The following KCNQ5 variants were observed in gnomAD, a reference collection of about 807,000 sequenced individuals.
KCNQ5 encodes potassium voltage-gated channel subfamily KQT member 5.
A neutral mutation model predicts 98.2 loss-of-function variants in KCNQ5; 30 were observed. That is an observed-to-expected ratio of 0.31 (90% confidence interval 0.23 to 0.41). The LOEUF is 0.41. Among genes scored for constraint, KCNQ5 ranks in the 10% least tolerant of loss-of-function variants. KCNQ5 has a pLI of 1.00. For missense variants in KCNQ5, 835 were observed against 1,182.5 expected, an observed-to-expected ratio of 0.71 and a Z score of 4.31; for synonymous variants, 458 against 449.4, an observed-to-expected ratio of 1.02 and a Z score of -0.24.
intron 1 of KCNQ5, among the ~76,000 whole-genome samples, chr6:72,746,500 G>T (rs2154476401): frequency 6.6e-6 from 1 of 152,250 alleles, no homozygotes; most frequent in Admixed American, 6.5e-5. Flanking sequence ...TTGCTGACAG[G>T]TACTAATGGG....
At position 73,089,617 on chromosome 6, in the gene KCNQ5, A is replaced by G. The variant is rs373718454; in HGVS notation, c.918+11730A>G. 1.3e-4 allele frequency among the ~76,000 whole-genome samples: 20 copies of G among 152,122 alleles called. No homozygotes were observed. In the East Asian group the frequency reaches 3.3e-3, roughly 25 times the overall value. On this transcript the variant is annotated intron_variant, in intron 5 of 13. Coordinates refer to ENST00000370398, the MANE Select transcript of KCNQ5 (RefSeq NM_019842.4). ...CATTGTGACATTCTTATGCCTTTGC[A>G]TCCTCATAGTTTAGCTCCCACCTAT...
chr6:72,696,362 G>A (rs1200608598), intron 1 of KCNQ5, among the ~76,000 whole-genome samples: 5 of 152,024 alleles, frequency 3.3e-5, no homozygotes, highest in South Asian at 2.1e-4. Flanking sequence ...GATAAAATAC[G>A]GGTGTGAAAA....
chr6:72,997,459 C>G (rs1769357954), intron 1 of KCNQ5, among the ~76,000 whole-genome samples: 2 of 151,992 alleles, frequency 1.3e-5, no homozygotes, highest in South Asian at 2.1e-4. Context: ...TCTTTAAAAA[C>G]TGCTCGCTGA....
chr6:73,159,029 A>C (rs1777504122), intron 10 of KCNQ5, among the ~76,000 whole-genome samples: 1 of 152,226 alleles, frequency 6.6e-6, no homozygotes, highest in Admixed American at 6.5e-5. Flanking sequence ...AACTTATTTT[A>C]CAAAGGAAAC....
At chr6:72,860,682 T>C (rs1259318392) in intron 1 of KCNQ5, among the ~76,000 whole-genome samples, 3 of 152,182 alleles carry the variant, frequency 2.0e-5, no homozygotes, top group African/African-American at 4.8e-5. Flanking sequence ...ATAGTATCTA[T>C]TTTCCTTGTA....
At chr6:73,186,871 C>T (rs958935659) in intron 11 of KCNQ5, among the ~76,000 whole-genome samples, 2 of 151,718 alleles carry the variant, frequency 1.3e-5, no homozygotes, top group African/African-American at 2.4e-5. Context: ...ATACATGTGC[C>T]GTGTTGGTGT....
chr6:73,194,870 C>T lies in KCNQ5; in HGVS notation c.2255C>T (p.Pro752Leu), dbSNP rs1377781561. 6.2e-7 allele frequency: 1 copy of T among 1,614,040 alleles called. No homozygotes were observed. The highest frequency in any genetic ancestry group is 2.2e-5 in the East Asian group (1 of 44,900). ...GCCCCAACAACTTTACAGATCCCACCTCCTCTCCCAGCCATCAAGCATCTG... is the reference window on the plus strand; with the variant it reads ...GCCCCAACAACTTTACAGATCCCACTTCCTCTCCCAGCCATCAAGCATCTG... ...PAAPTTLQIP[P>L]PLPAIKHLPR... Residue 752 changes from proline to leucine, a missense_variant, in exon 14 of 14, where the codon CCT (proline) becomes CTT (leucine). By Grantham distance (98) the Pro-to-Leu change is moderately conservative. This residue lies in a region of KCNQ5 where 416 missense variants were observed against 446.9 expected (regional missense o/e 0.93). Coordinates refer to ENST00000370398, the MANE Select transcript of KCNQ5 (RefSeq NM_019842.4).
chr6:72,750,043 G>A (rs1771598869), intron 1 of KCNQ5, among the ~76,000 whole-genome samples: 1 of 152,004 alleles, frequency 6.6e-6, no homozygotes, highest in African/African-American at 2.4e-5. Flanking sequence ...ATAAAACCGT[G>A]GTCTGTATAT....
chr6:73,145,964 A>T (rs1316062328), intron 10 of KCNQ5, among the ~76,000 whole-genome samples: 1 of 152,078 alleles, frequency 6.6e-6, no homozygotes, highest in Non-Finnish European at 1.5e-5. Flanking sequence ...TGAAGGGGGA[A>T]GTGCCACACT....
chr6:72,649,069 G>A (rs974013794), intron 1 of KCNQ5, among the ~76,000 whole-genome samples: 4 of 152,136 alleles, frequency 2.6e-5, no homozygotes, highest in African/African-American at 4.8e-5. Context: ...ACAAATGCAC[G>A]AAGCCTGGAG....
chr6:72,949,075 C>A (rs1386039892), intron 1 of KCNQ5, among the ~76,000 whole-genome samples: 2 of 152,176 alleles, frequency 1.3e-5, no homozygotes, highest in African/African-American at 4.8e-5. Context: ...GAAAAGAACA[C>A]TTATTTTTAA....
intron 10 of KCNQ5, chr6:73,135,729 A>T (rs1776443548): frequency 6.6e-6 from 1 of 152,372 alleles, no homozygotes; most frequent in South Asian, 2.1e-4. Context: ...AGCTGCTATA[A>T]CAAAGTACTA....
intron 10 of KCNQ5, chr6:73,135,656 C>T (rs1205437322): frequency 2.0e-5 from 3 of 152,172 alleles, no homozygotes; most frequent in African/African-American, 7.2e-5. Context: ...TGAGTGCAGA[C>T]ATAGACTATG....
chr6:73,100,082 T>A (rs759226054), intron 5 of KCNQ5, among the ~76,000 whole-genome samples: 1 of 152,112 alleles, frequency 6.6e-6, no homozygotes, highest in Non-Finnish European at 1.5e-5. Context: ...AACAATATGC[T>A]CCTGAATGAC....
intron 1 of KCNQ5, among the ~76,000 whole-genome samples, chr6:72,945,692 T>C (rs1018978395): frequency 1.3e-5 from 2 of 152,148 alleles, no homozygotes; most frequent in Middle Eastern, 3.4e-3. Flanking sequence ...TGGCCTCAAG[T>C]GATCTGCCTG....
intron 1 of KCNQ5, among the ~76,000 whole-genome samples, chr6:72,732,142 T>G (rs1242701399): frequency 6.6e-6 from 1 of 152,120 alleles, no homozygotes; most frequent in African/African-American, 2.4e-5. Flanking sequence ...GTCACAAAGA[T>G]GATTAAGACA....
intron 1 of KCNQ5, among the ~76,000 whole-genome samples, chr6:72,634,690 C>T (rs926524270): frequency 4.6e-5 from 7 of 151,898 alleles, no homozygotes; most frequent in African/African-American, 9.7e-5. Flanking sequence ...CTCAGCCTCC[C>T]GAGTAGCTGG....
intron 9 of KCNQ5, chr6:73,129,869 T>G (rs1776154011): frequency 6.2e-7 from 1 of 1,607,050 alleles, no homozygotes; most frequent in African/African-American, 1.3e-5. Context: ...ATCCGGGCTA[T>G]TGACATGAGA....
chr6:73,034,650 G>A (rs528063728), intron 2 of KCNQ5, among the ~76,000 whole-genome samples: 4 of 152,066 alleles, frequency 2.6e-5, no homozygotes, highest in African/African-American at 4.8e-5. Context: ...ACAAAATAAC[G>A]GCAAGAACAT....
Sources: allele counts gnomAD v4.1 joint callset (sites outside exome capture counted in the v4.1 genomes callset), GRCh38; gene constraint gnomAD v4.1.1; regional missense constraint gnomAD v4.1.1; transcripts MANE v1.5; gene names NCBI Gene and HGNC (gene_info 2026-07-23, HGNC 2026-07-21).